Variants in RAB38 observed in about 807,000 individuals in gnomAD.
The protein encoded by RAB38 is ras-related protein Rab-38.
Under a neutral mutation model 18.4 loss-of-function variants are expected in RAB38, and 15 were observed. The observed-to-expected ratio is 0.82, with a 90% CI of 0.55 to 1.26. RAB38 has a LOEUF of 1.26. Among genes scored for constraint, RAB38 ranks in the 50% most tolerant of loss-of-function variants. The probability of loss-of-function intolerance (pLI) is 0.00; values close to 1 mark genes in which losing one functional copy is unlikely to be tolerated. For synonymous variants in RAB38, 101 were observed against 104.4 expected, an observed-to-expected ratio of 0.97 and a Z score of 0.20; for missense variants, 294 against 267.4, an observed-to-expected ratio of 1.10 and a Z score of -0.69.
At chr11:88,053,791 C>CAT in the RAB38 span, among the ~76,000 whole-genome samples, 44 of 139,466 alleles carry the variant, frequency 3.2e-4, 2 homozygotes, top group Non-Finnish European at 4.7e-5. Flanking sequence ...AGGACTTAAG[C>CAT]TTTTTTTTTT....
chr11:87,956,105 A>G, the RAB38 span, among the ~76,000 whole-genome samples: 1 of 148,690 alleles, frequency 6.7e-6, no homozygotes, highest in Non-Finnish European at 1.5e-5. Context: ...AAAAACAAAC[A>G]TACATACATA....
the RAB38 span, among the ~76,000 whole-genome samples, chr11:87,811,619 G>T: frequency 6.6e-6 from 1 of 152,086 alleles, no homozygotes; most frequent in African/African-American, 2.4e-5. Context: ...GCTGCTCTCA[G>T]TTGTACGGTG....
At chr11:87,948,172 T>A in the RAB38 span, among the ~76,000 whole-genome samples, 1 of 152,182 alleles carries the variant, frequency 6.6e-6, no homozygotes, top group Non-Finnish European at 1.5e-5. Context: ...GAATGGGAGT[T>A]CATTCATGAT....
chr11:88,051,930 C>T, the RAB38 span, among the ~76,000 whole-genome samples: 3 of 152,012 alleles, frequency 2.0e-5, no homozygotes, highest in Non-Finnish European at 4.4e-5. Flanking sequence ...TTGAGACCAG[C>T]CTGACCCACA....
intron 2 of RAB38, among the ~76,000 whole-genome samples, chr11:88,139,330 C>A (rs1202207401): frequency 6.6e-6 from 1 of 152,112 alleles, no homozygotes; most frequent in Non-Finnish European, 1.5e-5. Flanking sequence ...TCCTTTGAGG[C>A]CTCTCTTATT....
the RAB38 span, among the ~76,000 whole-genome samples, chr11:88,038,784 T>G: frequency 1.3e-5 from 2 of 152,232 alleles, no homozygotes; most frequent in African/African-American, 4.8e-5. Context: ...CATTTCTTGC[T>G]TAAATGGCTT....
intron 1 of RAB38, among the ~76,000 whole-genome samples, chr11:88,158,069 A>G (rs1825744): frequency 0.25 from 37,806 of 151,946 alleles, 4,738 homozygotes; most frequent in Admixed American, 0.27. Context: ...AAGATCCAAA[A>G]AAGCCCAATC....
At chr11:87,883,546 A>C in the RAB38 span, among the ~76,000 whole-genome samples, 8 of 151,962 alleles carry the variant, frequency 5.3e-5, no homozygotes, top group Non-Finnish European at 1.2e-4. Context: ...AATCATCTGC[A>C]AAAGATGGGA....
At chr11:88,131,180 T>G (rs16913098) in intron 2 of RAB38, among the ~76,000 whole-genome samples, 2,840 of 152,316 alleles carry the variant, frequency 0.019, 91 homozygotes, top group African/African-American at 0.066. Flanking sequence ...TGTTCAGTTA[T>G]TAAAAATTAT....
At chr11:88,057,896 C>G in the RAB38 span, among the ~76,000 whole-genome samples, 1 of 151,614 alleles carries the variant, frequency 6.6e-6, no homozygotes. Context: ...GTAAAAATAA[C>G]AGGGGGTTAG....
chr11:88,145,611 C>G (rs117080064), intron 2 of RAB38, among the ~76,000 whole-genome samples: 1,534 of 152,086 alleles, frequency 0.01, 23 homozygotes, highest in South Asian at 0.054. Context: ...CTCAAATGGG[C>G]CCTGAAGATA....
At chr11:88,013,517 G>A in the RAB38 span, among the ~76,000 whole-genome samples, 1 of 152,070 alleles carries the variant, frequency 6.6e-6, no homozygotes, top group South Asian at 2.1e-4. Flanking sequence ...AGCATAAAAA[G>A]CAATGCTGAG....
At chr11:87,909,592 A>G in the RAB38 span, among the ~76,000 whole-genome samples, 2 of 152,074 alleles carry the variant, frequency 1.3e-5, no homozygotes, top group Non-Finnish European at 1.5e-5. Flanking sequence ...TATAATAAAC[A>G]TATCTATCAA....
At chr11:88,118,149 A>T (rs1038707824) in intron 2 of RAB38, among the ~76,000 whole-genome samples, 1 of 152,206 alleles carries the variant, frequency 6.6e-6, no homozygotes, top group Non-Finnish European at 1.5e-5. Flanking sequence ...CTCCCCCCCA[A>T]ATATATCCCA....
chr11:87,944,405 C>T, the RAB38 span, among the ~76,000 whole-genome samples: 5 of 152,256 alleles, frequency 3.3e-5, no homozygotes, highest in East Asian at 9.7e-4. Flanking sequence ...TGAGGAGAGG[C>T]ACTTGGTCTG....
chr11:88,017,811 G>A, the RAB38 span, among the ~76,000 whole-genome samples: 4 of 150,946 alleles, frequency 2.6e-5, no homozygotes, highest in East Asian at 1.9e-4. Flanking sequence ...ATATGGTTTG[G>A]CTATGTCCCC....
the RAB38 span, among the ~76,000 whole-genome samples, chr11:87,883,258 T>G: frequency 6.6e-6 from 1 of 151,920 alleles, no homozygotes; most frequent in Non-Finnish European, 1.5e-5. Context: ...GGAAATTTTC[T>G]GTTAAACCAA....
the RAB38 span, among the ~76,000 whole-genome samples, chr11:88,034,554 A>G: frequency 6.6e-6 from 1 of 152,222 alleles, no homozygotes; most frequent in Non-Finnish European, 1.5e-5. Context: ...CAGATATGTT[A>G]TGACATCTTA....
At chr11:88,044,963 T>C in the RAB38 span, among the ~76,000 whole-genome samples, 1 of 152,188 alleles carries the variant, frequency 6.6e-6, no homozygotes, top group Non-Finnish European at 1.5e-5. Context: ...CTCCCCCACC[T>C]GCCCAGCAAT....
Sources: allele counts gnomAD v4.1 joint callset (sites outside exome capture counted in the v4.1 genomes callset), GRCh38; gene constraint gnomAD v4.1.1; transcripts MANE v1.5; gene names NCBI Gene and HGNC (gene_info 2026-07-23, HGNC 2026-07-21).